KCNN2: variants seen among roughly 807,000 people sequenced by gnomAD.
KCNN2 encodes small conductance calcium-activated potassium channel protein 2.
Under a neutral mutation model 55.5 loss-of-function variants are expected in KCNN2, and 24 were observed. The observed-to-expected ratio is 0.43, with a 90% CI of 0.31 to 0.61. The LOEUF (loss-of-function observed/expected upper bound fraction) is 0.61, where lower values mean the gene tolerates loss of function less well. Ranked by LOEUF, KCNN2 falls within the 20% of genes least tolerant of loss-of-function variation. The pLI, the probability that KCNN2 is intolerant of heterozygous loss-of-function variation, is 0.08. For synonymous variants in KCNN2, 431 were observed against 336.1 expected, an observed-to-expected ratio of 1.28 and a Z score of -3.09; for missense variants, 754 against 853.6, an observed-to-expected ratio of 0.88 and a Z score of 1.45.
chr5:114,491,165 T>C (rs1463987552), intron 6 of KCNN2, among the ~76,000 whole-genome samples: 1 of 152,140 alleles, frequency 6.6e-6, no homozygotes, highest in Non-Finnish European at 1.5e-5. Context: ...CCGTTGTTTA[T>C]AAGATGAAGT....
intron 2 of KCNN2, among the ~76,000 whole-genome samples, chr5:114,379,391 A>T (rs1031176466): frequency 2.0e-5 from 3 of 149,902 alleles, no homozygotes; most frequent in African/African-American, 7.3e-5. Flanking sequence ...CTACAATCTC[A>T]TTTATGAATA....
At position 114,404,752 on chromosome 5, in the gene KCNN2, T is replaced by C. The variant is rs1362937886; in HGVS notation, c.1533T>C (p.Arg511=). 3.7e-6 allele frequency: 6 copies of C among 1,613,574 alleles called. No individual in the cohort carries two copies. In the East Asian group the frequency reaches 1.1e-4, roughly 30 times the overall value. The change falls in exon 3 of 8, where the codon CGT becomes CGC. Residue 511 remains arginine (R), a synonymous_variant. Transcript: ENST00000673685. ...TTAATAAGATAAACTTCAATACACG[T>C]TTTGTTATGAAGACTTTAATGACTA... ...GALNKINFNT[R]FVMKTLMTIC...
chr5:114,266,979 C>T (rs1300004419), intron 2 of KCNN2, among the ~76,000 whole-genome samples: 1 of 143,080 alleles, frequency 7.0e-6, no homozygotes, highest in Non-Finnish European at 1.5e-5. Flanking sequence ...GCTTCACGAA[C>T]ACCCCTTCCC....
chr5:114,476,545 A>G (rs764064507), intron 5 of KCNN2, among the ~76,000 whole-genome samples: 9 of 151,604 alleles, frequency 5.9e-5, no homozygotes, highest in Non-Finnish European at 1.0e-4. Context: ...CAGCCCCCCA[A>G]ATAGCTGGGA....
intron 5 of KCNN2, among the ~76,000 whole-genome samples, chr5:114,477,170 C>T (rs1230246273): frequency 6.6e-6 from 1 of 151,952 alleles, no homozygotes; most frequent in Non-Finnish European, 1.5e-5. Flanking sequence ...TGATGGTTAA[C>T]AGGAGTAATA....
intron 2 of KCNN2, among the ~76,000 whole-genome samples, chr5:114,268,037 A>T (rs1352134292): frequency 6.6e-6 from 1 of 151,990 alleles, no homozygotes; most frequent in Non-Finnish European, 1.5e-5. Flanking sequence ...TTCTGATCCC[A>T]CCCTAGCACT....
At chr5:114,295,394 T>G (rs930921653) in intron 2 of KCNN2, among the ~76,000 whole-genome samples, 2 of 152,340 alleles carry the variant, frequency 1.3e-5, no homozygotes, top group African/African-American at 4.8e-5. Context: ...TCATCGAGCC[T>G]GGGCAATGGC....
chr5:114,088,869 C>A (rs1324323616), intron 1 of KCNN2, among the ~76,000 whole-genome samples: 2 of 152,142 alleles, frequency 1.3e-5, no homozygotes, highest in Non-Finnish European at 2.9e-5. Flanking sequence ...GATCCACCCA[C>A]TTTGTCCTCC....
intron 2 of KCNN2, among the ~76,000 whole-genome samples, chr5:114,340,574 A>G (rs1393142498): frequency 6.6e-6 from 1 of 152,174 alleles, no homozygotes; most frequent in Non-Finnish European, 1.5e-5. Context: ...ATAGAACATG[A>G]TATTTTGACA....
At chr5:114,489,443 G>A (rs1747741555) in intron 6 of KCNN2, among the ~76,000 whole-genome samples, 1 of 152,078 alleles carries the variant, frequency 6.6e-6, no homozygotes, top group African/African-American at 2.4e-5. Flanking sequence ...TTTGGATAGA[G>A]TGACAGAGGA....
intron 2 of KCNN2, among the ~76,000 whole-genome samples, chr5:114,304,756 C>T (rs1439971769): frequency 6.6e-6 from 1 of 152,182 alleles, no homozygotes; most frequent in African/African-American, 2.4e-5. Context: ...TTCCATGGAA[C>T]CCCCTCAAAA....
chr5:114,461,503 A>T (rs764927416), intron 3 of KCNN2, among the ~76,000 whole-genome samples: 1 of 152,128 alleles, frequency 6.6e-6, no homozygotes, highest in Non-Finnish European at 1.5e-5. Context: ...CACTCACTCC[A>T]GCCCGGAGCC....
chr5:114,121,761 C>T (rs568634251), intron 1 of KCNN2, among the ~76,000 whole-genome samples: 1 of 152,312 alleles, frequency 6.6e-6, no homozygotes, highest in Admixed American at 6.5e-5. Context: ...ATCATACTCT[C>T]CCAACTTGGT....
chr5:114,298,130 A>G (rs1191833218), intron 2 of KCNN2, among the ~76,000 whole-genome samples: 2 of 152,238 alleles, frequency 1.3e-5, no homozygotes, highest in African/African-American at 2.4e-5. Flanking sequence ...TATTATCATC[A>G]TCTACTGCAG....
chr5:114,344,206 AAAGT>A (rs1013504798), intron 2 of KCNN2, among the ~76,000 whole-genome samples: 4 of 152,232 alleles, frequency 2.6e-5, no homozygotes, highest in African/African-American at 9.6e-5. Context: ...GTCTTACTAC[AAAGT>A]AAGGAGCCCA....
intron 1 of KCNN2, among the ~76,000 whole-genome samples, chr5:114,219,817 TA>T (rs1754095343): frequency 6.6e-6 from 1 of 152,088 alleles, no homozygotes; most frequent in Admixed American, 6.6e-5. Context: ...ACTGCAAATC[TA>T]AAATTAATCT....
At chr5:114,347,457 C>A (rs1251101305) in intron 2 of KCNN2, among the ~76,000 whole-genome samples, 1 of 152,162 alleles carries the variant, frequency 6.6e-6, no homozygotes, top group Non-Finnish European at 1.5e-5. Flanking sequence ...TTTATGTGTT[C>A]TCCAAAGTCC....
intron 2 of KCNN2, among the ~76,000 whole-genome samples, chr5:114,335,346 G>T (rs1263417735): frequency 6.6e-6 from 1 of 152,092 alleles, no homozygotes; most frequent in Non-Finnish European, 1.5e-5. Context: ...TTTACTACTA[G>T]ATAGGATTCT....
chr5:114,183,132 A>T (rs72797672), intron 1 of KCNN2, among the ~76,000 whole-genome samples: 4,532 of 152,226 alleles, frequency 0.03, 86 homozygotes, highest in Non-Finnish European at 0.041. Context: ...TGAAATGATC[A>T]TGAAGCTTTT....
Sources: gnomAD v4.1 joint callset for allele counts (sites outside exome capture counted in the v4.1 genomes callset) on GRCh38, gnomAD v4.1.1 for gene constraint, MANE v1.5 for transcripts, NCBI Gene and HGNC (gene_info 2026-07-23, HGNC 2026-07-21) for gene names.